RIMS1: variants seen among roughly 807,000 people sequenced by gnomAD.
RIMS1 encodes the protein regulating synaptic membrane exocytosis protein 1.
A neutral mutation model predicts 214.1 loss-of-function variants in RIMS1; 83 were observed. The ratio of observed to expected loss-of-function variants is 0.39; its 90% CI spans 0.32 to 0.47. RIMS1 has a LOEUF of 0.47. Ranked by LOEUF, RIMS1 falls within the 20% of genes least tolerant of loss-of-function variation. The pLI, the probability that RIMS1 is intolerant of heterozygous loss-of-function variation, is 0.99. For missense variants in RIMS1, 2,050 were observed against 2,161.8 expected, an observed-to-expected ratio of 0.95 and a Z score of 1.03; for synonymous variants, 793 against 786.8, an observed-to-expected ratio of 1.01 and a Z score of -0.13.
intron 28 of RIMS1, among the ~76,000 whole-genome samples, chr6:72,317,740 T>G (rs1398159512): frequency 6.6e-6 from 1 of 152,184 alleles, no homozygotes; most frequent in East Asian, 1.9e-4. Context: ...GAGTTATCTA[T>G]ATATCCAATA....
At chr6:72,368,879 A>G (rs968925420) in intron 29 of RIMS1, among the ~76,000 whole-genome samples, 1 of 152,058 alleles carries the variant, frequency 6.6e-6, no homozygotes, top group African/African-American at 2.4e-5. Context: ...GGTTGTTGGG[A>G]AGATGTTTTG....
At chr6:72,234,376 T>A (rs1228641030) in intron 7 of RIMS1, among the ~76,000 whole-genome samples, 2 of 151,978 alleles carry the variant, frequency 1.3e-5, no homozygotes, top group Admixed American at 6.6e-5. Flanking sequence ...GAAAGCAAGT[T>A]GTTTATTTTT....
intron 29 of RIMS1, among the ~76,000 whole-genome samples, chr6:72,345,568 C>T (rs558159948): frequency 6.6e-6 from 1 of 151,868 alleles, no homozygotes; most frequent in African/African-American, 2.4e-5. Context: ...ACTATAATTC[C>T]GTTCCAACTG....
chr6:72,400,382 A>T, intron 33 of RIMS1, 114 bp from the exon 34 acceptor site: 2 of 792,350 alleles, frequency 2.5e-6, no homozygotes, highest in Non-Finnish European at 4.3e-6. Flanking sequence ...TGTATTCATT[A>T]TTCTTTTCCT....
At chr6:72,274,230 A>T (rs960426694) in intron 22 of RIMS1, 119 bp from the exon 23 acceptor site, 1 of 576,432 alleles carries the variant, frequency 1.7e-6, no homozygotes, top group African/African-American at 1.9e-5. Flanking sequence ...ATTATGGAGC[A>T]AAGAATCTAC....
intron 1 of RIMS1, among the ~76,000 whole-genome samples, chr6:71,903,657 G>GA (rs1290905291): frequency 9.9e-5 from 15 of 151,726 alleles, no homozygotes; most frequent in Admixed American, 3.9e-4. Context: ...AAATTTACGG[G>GA]AAAAAAACAA....
Position 72,265,040 on chromosome 6 carries a change from G to T in RIMS1, c.3182G>T (p.Trp1061Leu). The T allele has an allele frequency of 1.3e-6, 2 of 1,584,522 alleles. No individual in the cohort carries two copies. Among genetic ancestry groups the T allele is most frequent in the Non-Finnish European group, 1.7e-6 (2 of 1,160,816 alleles). Residue 1061 changes from tryptophan to leucine, a missense_variant, in exon 20 of 34, where the codon TGG becomes TTG. Coordinates refer to ENST00000521978, the MANE Select transcript of RIMS1 (RefSeq NM_014989.7). ...CCTTTATTACAGAGCAGTTCTCACT[G>T]GAATATTTACAGGTAAGAGCCCTAA... Reference protein sequence around the residue: ...KMPLLQSSSHWNIYSSILPAH... With the variant: ...KMPLLQSSSHLNIYSSILPAH...
chr6:72,185,587 G>C (rs543203954), intron 6 of RIMS1, among the ~76,000 whole-genome samples: 3 of 152,322 alleles, frequency 2.0e-5, no homozygotes, highest in African/African-American at 7.2e-5. Flanking sequence ...CCAGAAAACA[G>C]ATTGACATTA....
intron 29 of RIMS1, among the ~76,000 whole-genome samples, chr6:72,351,652 T>G (rs921448253): frequency 6.6e-6 from 1 of 152,156 alleles, no homozygotes; most frequent in Admixed American, 6.6e-5. Flanking sequence ...AGAATTTTAG[T>G]CTGTGCCTAT....
chr6:72,182,235 G>A, intron 5 of RIMS1, 49 bp from the exon 6 acceptor site: 4 of 1,498,718 alleles, frequency 2.7e-6, no homozygotes, highest in Non-Finnish European at 3.6e-6. Flanking sequence ...TGTTTTTTAT[G>A]TCTAGTCTTT....
At chr6:71,999,880 T>A (rs983860462) in intron 2 of RIMS1, among the ~76,000 whole-genome samples, 3 of 152,188 alleles carry the variant, frequency 2.0e-5, no homozygotes, top group African/African-American at 7.2e-5. Flanking sequence ...TCATAATTTC[T>A]TCCAGTTCCT....
chr6:72,292,208 G>C (rs1018463879), intron 26 of RIMS1, among the ~76,000 whole-genome samples, 162 bp downstream of exon 26: 44 of 152,036 alleles, frequency 2.9e-4, no homozygotes, highest in African/African-American at 9.4e-4. Context: ...TAGTGACAGT[G>C]GTTCATGGCA....
intron 16 of RIMS1, among the ~76,000 whole-genome samples, chr6:72,256,024 GAAAA>G (rs60682826): frequency 2.0e-4 from 20 of 99,998 alleles, no homozygotes; most frequent in African/African-American, 5.8e-4. Flanking sequence ...GACTCCATCT[GAAAA>G]AAAAAAAAAA....
rs187565812 is a variant in RIMS1, at chr6:72,161,079, A to G, written c.472-18496A>G. 8.6e-5 allele frequency among the ~76,000 whole-genome samples: 12 copies of G among 139,780 alleles called. 2 individuals carry two copies. Among genetic ancestry groups the G allele is most frequent in the African/African-American group, 3.0e-4 (12 of 40,540 alleles). 91.7% of individuals were successfully genotyped at this position (139,780 alleles called of 152,430 possible). ...CAATTTCAGAAGCTGTTATTGGTCT[A>G]TTAAGAGATTCCACTTCTTCCTGGT... On this transcript the variant is annotated intron_variant, in intron 4 of 33. Transcript: ENST00000521978.
At chr6:72,372,931 A>C (rs975737426) in intron 29 of RIMS1, among the ~76,000 whole-genome samples, 6 of 152,384 alleles carry the variant, frequency 3.9e-5, no homozygotes, top group African/African-American at 1.4e-4. Context: ...CTGGGAATAA[A>C]GGACACAGTC....
chr6:72,203,418 G>C (rs2052380142), intron 6 of RIMS1, among the ~76,000 whole-genome samples: 1 of 152,170 alleles, frequency 6.6e-6, no homozygotes, highest in African/African-American at 2.4e-5. Context: ...GAACCAATGT[G>C]TCATTCTAGT....
Position 72,242,429 on chromosome 6 carries a change from G to A in RIMS1, c.2073G>A (p.Arg691=). 2 of 1,555,074 alleles carry A rather than the reference G, an allele frequency of 1.3e-6. No homozygotes were observed. The highest frequency in any genetic ancestry group is 1.4e-5 in the African/African-American group (1 of 73,420). Residue 691 remains arginine, a synonymous_variant, in exon 10 of 34, where the codon AGG becomes AGA. Transcript: ENST00000521978. Reference sequence around the variant, plus strand: ...CTCAAGTTGAAATTATTGTTTCAAGGCCTATTGGGTAAGGCTAAAAAAACT... The same window carrying A: ...CTCAAGTTGAAATTATTGTTTCAAGACCTATTGGGTAAGGCTAAAAAAACT... ...SEPQVEIIVS[R]PIGDIPRIPE...
intron 2 of RIMS1, among the ~76,000 whole-genome samples, chr6:71,986,945 G>A (rs1800158575): frequency 6.6e-6 from 1 of 152,238 alleles, no homozygotes; most frequent in South Asian, 2.1e-4. Context: ...GACTTAAGGT[G>A]ACACTGATGC....
At chr6:72,289,308 C>T (rs1563616128) in intron 24 of RIMS1, among the ~76,000 whole-genome samples, 1 of 152,088 alleles carries the variant, frequency 6.6e-6, no homozygotes, top group Admixed American at 6.6e-5. Flanking sequence ...ATAGATAAAA[C>T]TCTCATCACT....
Sources: allele counts gnomAD v4.1 joint callset (sites outside exome capture counted in the v4.1 genomes callset), GRCh38; gene constraint gnomAD v4.1.1; transcripts MANE v1.5; gene names NCBI Gene and HGNC (gene_info 2026-07-23, HGNC 2026-07-21).